Variants in GRID2 observed in about 807,000 individuals in gnomAD.
GRID2 encodes the protein glutamate receptor ionotropic, delta-2.
Under a neutral mutation model 114.8 loss-of-function variants are expected in GRID2, and 33 were observed. That is an observed-to-expected ratio of 0.29 (90% CI 0.22 to 0.38). The LOEUF is 0.38. Ranked by LOEUF, GRID2 falls within the 10% of genes least tolerant of loss-of-function variation. The pLI is 1.00. For synonymous variants in GRID2, 505 were observed against 449.9 expected (o/e 1.12, Z -1.55); for missense variants, 1,184 against 1,257.7 (o/e 0.94, Z 0.89).
intron 8 of GRID2, among the ~76,000 whole-genome samples, chr4:93,313,021 A>T (rs537392173): frequency 6.6e-6 from 1 of 152,330 alleles, no homozygotes; most frequent in South Asian, 2.1e-4. Context: ...ATATGAACTT[A>T]TGCTTAGCTA....
At chr4:93,731,013 T>C (rs1324200229) in intron 14 of GRID2, among the ~76,000 whole-genome samples, 2 of 152,206 alleles carry the variant, frequency 1.3e-5, no homozygotes, top group Non-Finnish European at 2.9e-5. Flanking sequence ...TGGGCAAAGC[T>C]TTCGTCACTG....
At chr4:93,041,039 A>G (rs759998060) in intron 2 of GRID2, among the ~76,000 whole-genome samples, 2 of 152,174 alleles carry the variant, frequency 1.3e-5, no homozygotes, top group Non-Finnish European at 2.9e-5. Flanking sequence ...AAGAACAAAA[A>G]TCAGATTTCA....
intron 2 of GRID2, among the ~76,000 whole-genome samples, chr4:92,740,062 C>G (rs961244313): frequency 1.3e-5 from 2 of 152,112 alleles, no homozygotes; most frequent in Non-Finnish European, 2.9e-5. Context: ...TCTTTCAACT[C>G]AGTTTCAATA....
At chr4:93,138,507 C>T (rs1735476618) in intron 4 of GRID2, among the ~76,000 whole-genome samples, 1 of 152,190 alleles carries the variant, frequency 6.6e-6, no homozygotes, top group South Asian at 2.1e-4. Flanking sequence ...CCTCTTATAC[C>T]CTAATCTAAT....
chr4:93,571,440 G>A (rs1735924064), intron 13 of GRID2, among the ~76,000 whole-genome samples: 1 of 152,064 alleles, frequency 6.6e-6, no homozygotes, highest in African/African-American at 2.4e-5. Context: ...GTGGATGATT[G>A]CCATTGAAAG....
chr4:92,413,115 T>A (rs562094490), intron 1 of GRID2, among the ~76,000 whole-genome samples: 1 of 152,192 alleles, frequency 6.6e-6, no homozygotes, highest in Non-Finnish European at 1.5e-5. Flanking sequence ...TGCATAGTAG[T>A]GAAGTCTGGG....
At chr4:93,470,817 A>G (rs1200309520) in intron 11 of GRID2, among the ~76,000 whole-genome samples, 3 of 152,138 alleles carry the variant, frequency 2.0e-5, no homozygotes, top group Non-Finnish European at 2.9e-5. Flanking sequence ...ATTCTTATCA[A>G]TTTATTTTTA....
intron 8 of GRID2, among the ~76,000 whole-genome samples, chr4:93,290,578 A>C (rs536585640): frequency 1.4e-4 from 21 of 151,874 alleles, no homozygotes; most frequent in African/African-American, 4.8e-4. Flanking sequence ...CTATGCATGC[A>C]TTTTTATATT....
At chr4:93,183,397 A>G (rs1046505267) in intron 4 of GRID2, among the ~76,000 whole-genome samples, 4 of 152,186 alleles carry the variant, frequency 2.6e-5, no homozygotes, top group Non-Finnish European at 4.4e-5. Context: ...GTTTTCTTCA[A>G]TACTCAAAAA....
chr4:93,703,547 A>G (rs1727708203), intron 14 of GRID2, among the ~76,000 whole-genome samples: 1 of 152,032 alleles, frequency 6.6e-6, no homozygotes, highest in Non-Finnish European at 1.5e-5. Context: ...CACAACGTGC[A>G]GGTTAGTTAC....
intron 1 of GRID2, among the ~76,000 whole-genome samples, chr4:92,335,774 C>T (rs559032908): frequency 6.6e-6 from 1 of 152,192 alleles, no homozygotes; most frequent in East Asian, 1.9e-4. Context: ...TAATAAAAAG[C>T]CAAATGCCAA....
intron 1 of GRID2, among the ~76,000 whole-genome samples, chr4:92,362,445 T>C (rs1378001713): frequency 6.6e-6 from 1 of 152,026 alleles, no homozygotes. Flanking sequence ...TTTCTAAAAT[T>C]ATTTTGAAAT....
At chr4:92,360,065 A>C (rs1728539220) in intron 1 of GRID2, among the ~76,000 whole-genome samples, 1 of 152,026 alleles carries the variant, frequency 6.6e-6, no homozygotes, top group Non-Finnish European at 1.5e-5. Flanking sequence ...AAATTCTATG[A>C]ATACAGCAAG....
chr4:92,956,900 C>T (rs1752444445), intron 2 of GRID2, among the ~76,000 whole-genome samples: 1 of 152,098 alleles, frequency 6.6e-6, no homozygotes, highest in Admixed American at 6.6e-5. Context: ...TTTGCATTTC[C>T]CTAATGACAT....
At position 93,462,819 on chromosome 4, in the gene GRID2, T is replaced by C. The variant is rs558084249; in HGVS notation, c.1858+6845T>C. ...CTTGGAATGCAGTAGCTAAAGCCAT[T>C]TCTTTATATTGTTACCTAATATTTC... On this transcript the variant is annotated intron_variant, in intron 11 of 15. Coordinates refer to ENST00000282020, the MANE Select transcript of GRID2 (RefSeq NM_001510.4). Among the ~76,000 whole-genome samples the C allele has an allele frequency of 2.6e-5, 4 of 152,298 alleles. No individual in the cohort carries two copies. In the South Asian group the frequency reaches 8.3e-4, roughly 32 times the overall value.
At chr4:92,418,717 C>G (rs533465427) in intron 1 of GRID2, among the ~76,000 whole-genome samples, 1 of 151,978 alleles carries the variant, frequency 6.6e-6, no homozygotes, top group East Asian at 1.9e-4. Context: ...AAGTTTGGGT[C>G]TCCTCCTTCC....
chr4:92,773,984 C>T (rs76753365), intron 2 of GRID2, among the ~76,000 whole-genome samples: 3,740 of 152,132 alleles, frequency 0.025, 101 homozygotes, highest in East Asian at 0.12. Context: ...AAGAAAACTA[C>T]GTTTCATTAC....
Position 93,772,069 on chromosome 4 carries a change from T to A in GRID2, c.2602-7T>A, listed in dbSNP as rs375031222. 2.5e-6 allele frequency: 4 copies of A among 1,577,814 alleles called. No homozygotes were observed. In the African/African-American group the frequency reaches 5.4e-5, roughly 21 times the overall value. On this transcript the variant is annotated splice_polypyrimidine_tract_variant and splice_region_variant and intron_variant, in intron 15 of 15. Transcript: ENST00000282020. ...GAGAACCTTATTTTCTTTTTCTTCA[T>A]CTCCAGGATGACAAGGAAATTGACC...
intron 2 of GRID2, among the ~76,000 whole-genome samples, chr4:92,598,203 T>C (rs1289037469): frequency 6.6e-6 from 1 of 152,098 alleles, no homozygotes; most frequent in East Asian, 1.9e-4. Context: ...TTGCATATTC[T>C]GGGAAAAAAA....
Sources: allele counts gnomAD v4.1 joint callset (sites outside exome capture counted in the v4.1 genomes callset), GRCh38; gene constraint gnomAD v4.1.1; transcripts MANE v1.5; gene names NCBI Gene and HGNC (gene_info 2026-07-23, HGNC 2026-07-21).